Variants in PTPDC1 observed in about 807,000 individuals in gnomAD.
PTPDC1 encodes the protein protein tyrosine phosphatase domain-containing protein 1.
PTPDC1 carries 53 observed loss-of-function variants against 75.3 expected under a neutral mutation model. That is an observed-to-expected ratio of 0.70 (90% confidence interval 0.56 to 0.88). The LOEUF (loss-of-function observed/expected upper bound fraction) is 0.88, where lower values mean the gene tolerates loss of function less well. Among genes scored for constraint, PTPDC1 ranks in the 40% least tolerant of loss-of-function variants. The pLI, the probability that PTPDC1 is intolerant of heterozygous loss-of-function variation, is 0.00. For synonymous variants in PTPDC1, 349 were observed against 366.2 expected (o/e 0.95, Z 0.54); for missense variants, 925 against 998.6 (o/e 0.93, Z 0.99).
chr9:94,084,408 C>T, upstream of PTPDC1: 1 of 1,448,388 alleles, frequency 6.9e-7, no homozygotes, highest in Non-Finnish European at 9.1e-7. Context: ...GGAAACCAGT[C>T]AGCCAATCTG....
chr9:94,068,528 T>G (rs1309578142), intron 2 of PTPDC1, among the ~76,000 whole-genome samples: 1 of 152,184 alleles, frequency 6.6e-6, no homozygotes, highest in Non-Finnish European at 1.5e-5. Flanking sequence ...TCACTGGTTA[T>G]GTTTAGTTTG....
chr9:94,094,302 G>C (rs562319689), intron 4 of PTPDC1, among the ~76,000 whole-genome samples: 43 of 151,324 alleles, frequency 2.8e-4, no homozygotes, highest in Non-Finnish European at 4.4e-4. Context: ...TTCTAACAGA[G>C]AGGACCCTCA....
Position 94,075,677 on chromosome 9 carries a change from G to C in PTPDC1, c.83-9574G>C, listed in dbSNP as rs184550599. On this transcript the variant is annotated intron_variant, in intron 2 of 9. Coordinates refer to the PTPDC1 transcript ENST00000375360. ...TCTCTCACTCTCAGAGTCTTCCTAT[G>C]TTTATCTGTTCTATTGTGTCCAGAG... Among the ~76,000 whole-genome samples the C allele has an allele frequency of 3.3e-3, 502 of 152,236 alleles. 14 individuals are homozygous for C. The highest frequency in any genetic ancestry group is 0.031 in the Admixed American group (470 of 15,288).
chr9:94,082,345 G>A (rs1227597933), upstream of PTPDC1, among the ~76,000 whole-genome samples: 4 of 152,226 alleles, frequency 2.6e-5, no homozygotes, highest in Non-Finnish European at 5.9e-5. Context: ...ACTTTAGGAA[G>A]CAATGATCCC....
chr9:94,034,057 C>A (rs1829777889), intron 1 of PTPDC1, among the ~76,000 whole-genome samples: 1 of 151,954 alleles, frequency 6.6e-6, no homozygotes, highest in African/African-American at 2.4e-5. Context: ...AGATAGTAAG[C>A]AAATAAAGTA....
At chr9:94,032,613 C>T (rs1269822431) in intron 1 of PTPDC1, among the ~76,000 whole-genome samples, 1 of 152,164 alleles carries the variant, frequency 6.6e-6, no homozygotes, top group Non-Finnish European at 1.5e-5. Flanking sequence ...TTAAAATGAG[C>T]TTCCTTCTGT....
At chr9:94,083,615 G>A (rs1235027761), upstream of PTPDC1, among the ~76,000 whole-genome samples, 1 of 152,202 alleles carries the variant, frequency 6.6e-6, no homozygotes. Context: ...TACATTAGTG[G>A]TTGTTGCACT....
chr9:94,038,162 G>A (rs977711020), intron 1 of PTPDC1: 126 of 653,918 alleles, frequency 1.9e-4, no homozygotes, highest in African/African-American at 1.1e-4. Flanking sequence ...AGGTCAGGCC[G>A]TTGGATTCTC....
chr9:94,059,547 A>G (rs1826063597), intron 1 of PTPDC1, among the ~76,000 whole-genome samples: 1 of 152,212 alleles, frequency 6.6e-6, no homozygotes, highest in South Asian at 2.1e-4. Context: ...AAATAGGGGA[A>G]GGTTGGCATG....
Position 94,107,954 on chromosome 9 carries a change from G to A in PTPDC1, c.*10G>A, listed in dbSNP as rs73653436. The stretch of plus-strand genomic sequence containing the variant: ...TAAGCCTGGCCTCTAGCTTTCACTC[G>A]TGGTGAATATTTCAGACCTAAAGAT... On this transcript the variant is annotated 3_prime_UTR_variant, in exon 9 of 9. Coordinates refer to ENST00000620992, the MANE Select transcript of PTPDC1 (RefSeq NM_001253829.2). 8,504 of 1,504,822 alleles carry A rather than the reference G, an allele frequency of 5.7e-3. 379 individuals carry two copies. In the African/African-American group the frequency reaches 0.099, roughly 18 times the overall value. The allele number at this position is 1,504,822 out of a possible 1,614,324, so 93.2% of individuals were successfully genotyped here.
At chr9:94,104,241 A>C in intron 7 of PTPDC1, 34 bp from the exon 8 acceptor site, 2 of 1,541,256 alleles carry the variant, frequency 1.3e-6, no homozygotes, top group Middle Eastern at 1.7e-4. Context: ...CATTTTTTGA[A>C]AAATTTTTTA....
At chr9:94,107,711 TTA>T in intron 8 of PTPDC1, 115 bp from the exon 9 acceptor site, 2 of 510,320 alleles carry the variant, frequency 3.9e-6, no homozygotes, top group Non-Finnish European at 3.5e-6. Context: ...TATGTGTATT[TTA>T]TATAGAGTTT....
intron 2 of PTPDC1, among the ~76,000 whole-genome samples, chr9:94,069,454 C>A (rs943661053): frequency 2.0e-5 from 3 of 151,858 alleles, no homozygotes; most frequent in African/African-American, 7.3e-5. Context: ...CAAGAGTCAA[C>A]TGTATATTTA....
chr9:94,084,578 C>G lies in PTPDC1; in HGVS notation c.48C>G (p.Leu16=). The G allele has an allele frequency of 1.9e-6, 3 of 1,613,748 alleles. No homozygotes were observed. The highest frequency in any genetic ancestry group is 2.5e-6 in the Non-Finnish European group (3 of 1,180,014). Residue 16 remains leucine (L), a synonymous_variant, in exon 1 of 9, where the codon CTC becomes CTG. Transcript: ENST00000620992. ...GGCGGCCCTCAGCCGTGCGCTTCCTCAGCTCCTTTCTCCAGGGCCGCCGGC... is the reference window on the plus strand; with the variant it reads ...GGCGGCCCTCAGCCGTGCGCTTCCTGAGCTCCTTTCTCCAGGGCCGCCGGC... ...ATRRPSAVRF[L]SSFLQGRRHS...
chr9:94,106,185 G>A (rs1455328777), intron 8 of PTPDC1, among the ~76,000 whole-genome samples: 3 of 152,226 alleles, frequency 2.0e-5, no homozygotes, highest in Non-Finnish European at 4.4e-5. Flanking sequence ...GATAACAGTT[G>A]TTCAAAATCT....
At chr9:94,044,034 C>T (rs1455254335) in intron 1 of PTPDC1, among the ~76,000 whole-genome samples, 3 of 152,014 alleles carry the variant, frequency 2.0e-5, no homozygotes, top group Non-Finnish European at 4.4e-5. Context: ...TAATGTTTTG[C>T]CCCTCTATAT....
At chr9:94,076,441 T>C (rs1826694262) in intron 2 of PTPDC1, among the ~76,000 whole-genome samples, 4 of 152,220 alleles carry the variant, frequency 2.6e-5, no homozygotes, top group Non-Finnish European at 4.4e-5. Context: ...CATATAAATA[T>C]GTGGTCTTTT....
intron 7 of PTPDC1, among the ~76,000 whole-genome samples, chr9:94,103,533 A>AG (rs1827916635): frequency 6.6e-6 from 1 of 152,166 alleles, no homozygotes; most frequent in Admixed American, 6.5e-5. Context: ...ATATTGCTTC[A>AG]GGTTTTTTAC....
chr9:94,098,698 AC>A, intron 6 of PTPDC1, 119 bp downstream of exon 6: 1 of 868,356 alleles, frequency 1.2e-6, no homozygotes, highest in South Asian at 1.6e-5. Flanking sequence ...TTTGCATAAT[AC>A]TTTCTAACTT....
Sources: allele counts gnomAD v4.1 joint callset (sites outside exome capture counted in the v4.1 genomes callset), GRCh38; gene constraint gnomAD v4.1.1; transcripts MANE v1.5; gene names NCBI Gene and HGNC (gene_info 2026-07-23, HGNC 2026-07-21).